Variants in MATCAP2 observed in about 807,000 individuals in gnomAD.
The protein encoded by MATCAP2 is microtubule associated tyrosine carboxypeptidase 2.
chr7:36,326,353 A>G, the MATCAP2 span: 1 of 153,140 alleles, frequency 6.5e-6, no homozygotes, highest in East Asian at 1.9e-4. Context: ...TTATTTATCA[A>G]ATAAAATATA....
the MATCAP2 span, chr7:36,367,188 A>G: frequency 8.4e-7 from 1 of 1,191,696 alleles, no homozygotes; most frequent in Non-Finnish European, 1.0e-6. Context: ...GGTGCCCAGC[A>G]GCGCTTAGAA....
the MATCAP2 span, among the ~76,000 whole-genome samples, chr7:36,351,470 G>A: frequency 1.3e-5 from 2 of 152,142 alleles, no homozygotes; most frequent in East Asian, 1.9e-4. Context: ...GTTGTGTGCT[G>A]TGTTGCTCTG....
At chr7:36,357,633 T>C in the MATCAP2 span, 2 of 1,433,106 alleles carry the variant, frequency 1.4e-6, no homozygotes, top group South Asian at 1.3e-5. Flanking sequence ...ATAACAAAGA[T>C]ACCAGATGAA....
the MATCAP2 span, among the ~76,000 whole-genome samples, chr7:36,358,692 A>G: frequency 6.6e-6 from 1 of 152,222 alleles, no homozygotes; most frequent in African/African-American, 2.4e-5. Flanking sequence ...ACAAATACGT[A>G]GAATGCTACT....
chr7:36,389,394 A>C, the MATCAP2 span, among the ~76,000 whole-genome samples: 1 of 145,284 alleles, frequency 6.9e-6, no homozygotes, highest in Admixed American at 6.8e-5. Context: ...GCAGGGTCTC[A>C]CTCTGCCGCC....
At chr7:36,366,633 G>A in the MATCAP2 span, 1 of 1,496,352 alleles carries the variant, frequency 6.7e-7, no homozygotes, top group Middle Eastern at 1.7e-4. Flanking sequence ...TCTTTGGATT[G>A]TACCTTTGTA....
At chr7:36,340,064 A>G in the MATCAP2 span, among the ~76,000 whole-genome samples, 1 of 152,098 alleles carries the variant, frequency 6.6e-6, no homozygotes, top group East Asian at 1.9e-4. Flanking sequence ...AGGTTTCACC[A>G]TGTTGGCCAG....
chr7:36,348,295 G>A, the MATCAP2 span, among the ~76,000 whole-genome samples: 1 of 152,126 alleles, frequency 6.6e-6, no homozygotes, highest in Non-Finnish European at 1.5e-5. Flanking sequence ...AGATCATTAG[G>A]CCTCCATTTA....
the MATCAP2 span, chr7:36,357,080 T>G: frequency 1.9e-6 from 3 of 1,614,202 alleles, no homozygotes; most frequent in Non-Finnish European, 2.5e-6. Flanking sequence ...CCCAGAAAAG[T>G]CATCTCCCTT....
At chr7:36,330,042 C>CT in the MATCAP2 span, among the ~76,000 whole-genome samples, 6 of 109,602 alleles carry the variant, frequency 5.5e-5, no homozygotes, top group Non-Finnish European at 1.1e-4. Flanking sequence ...CTGTGCCGAT[C>CT]TTTTTTTTTT....
chr7:36,367,244 C>T, the MATCAP2 span: 4 of 1,101,422 alleles, frequency 3.6e-6, no homozygotes, highest in African/African-American at 1.6e-5. Context: ...AGGAAACTGC[C>T]CCCGGGGTCC....
the MATCAP2 span, among the ~76,000 whole-genome samples, chr7:36,339,363 G>C: frequency 2.6e-5 from 4 of 152,222 alleles, no homozygotes; most frequent in African/African-American, 7.2e-5. Context: ...TCCCAAAACT[G>C]TTACTGAAAG....
chr7:36,349,267 T>C, the MATCAP2 span, among the ~76,000 whole-genome samples: 1 of 152,152 alleles, frequency 6.6e-6, no homozygotes, highest in African/African-American at 2.4e-5. Context: ...AAAGTACTTT[T>C]GCCAACAATC....
At chr7:36,370,749 AG>A in the MATCAP2 span, among the ~76,000 whole-genome samples, 1 of 152,224 alleles carries the variant, frequency 6.6e-6, no homozygotes, top group Non-Finnish European at 1.5e-5. Flanking sequence ...ACAAAGTGCT[AG>A]GATTATAGGC....
the MATCAP2 span, among the ~76,000 whole-genome samples, chr7:36,352,774 G>C: frequency 3.7e-4 from 56 of 151,220 alleles, no homozygotes; most frequent in African/African-American, 1.4e-3. Context: ...TGAGGCTGCA[G>C]TGAGTGGAGA....
the MATCAP2 span, among the ~76,000 whole-genome samples, chr7:36,340,127 G>C: frequency 6.6e-6 from 1 of 152,184 alleles, no homozygotes; most frequent in African/African-American, 2.4e-5. Flanking sequence ...GCCTCCTAAA[G>C]TTAGTGCTGG....
chr7:36,353,711 C>G, the MATCAP2 span, among the ~76,000 whole-genome samples: 1 of 152,142 alleles, frequency 6.6e-6, no homozygotes, highest in Non-Finnish European at 1.5e-5. Context: ...GAACTTCTGA[C>G]CTCAAGTGAT....
chr7:36,337,797 A>G, the MATCAP2 span: 1 of 152,300 alleles, frequency 6.6e-6, no homozygotes, highest in Non-Finnish European at 1.5e-5. Flanking sequence ...CTCATTTGTA[A>G]ATGAGGATAA....
the MATCAP2 span, among the ~76,000 whole-genome samples, chr7:36,342,962 G>C: frequency 6.6e-6 from 1 of 152,106 alleles, no homozygotes; most frequent in South Asian, 2.1e-4. Context: ...CATGAGCTCT[G>C]TGAAGAACTG....
Sources: allele counts gnomAD v4.1 joint callset (sites outside exome capture counted in the v4.1 genomes callset), GRCh38; gene constraint gnomAD v4.1.1; transcripts MANE v1.5; gene names NCBI Gene and HGNC (gene_info 2026-07-23, HGNC 2026-07-21).